Variants in PPARGC1A observed in about 807,000 individuals in gnomAD.
PPARGC1A encodes the protein PPARG coactivator 1 alpha.
PPARGC1A carries 25 observed loss-of-function variants against 88.7 expected under a neutral mutation model. The ratio of observed to expected loss-of-function variants is 0.28; its 90% CI spans 0.21 to 0.39. The LOEUF is 0.39. Ranked by LOEUF, PPARGC1A falls within the 10% of genes least tolerant of loss-of-function variation. The pLI, the probability that PPARGC1A is intolerant of heterozygous loss-of-function variation, is 1.00. For synonymous variants in PPARGC1A, 363 were observed against 355.6 expected, an observed-to-expected ratio of 1.02 and a Z score of -0.24; for missense variants, 880 against 968.7, an observed-to-expected ratio of 0.91 and a Z score of 1.22.
At chr4:24,269,166 A>G in the PPARGC1A span, among the ~76,000 whole-genome samples, 3 of 152,096 alleles carry the variant, frequency 2.0e-5, no homozygotes, top group Admixed American at 2.0e-4. Context: ...TGGGTTTTGC[A>G]TTTTTTGTTT....
chr4:24,378,481 T>TA, the PPARGC1A span, among the ~76,000 whole-genome samples: 38 of 149,428 alleles, frequency 2.5e-4, no homozygotes, highest in East Asian at 7.8e-4. Context: ...TAACCATGGT[T>TA]AAAAAAAAAA....
upstream of PPARGC1A, among the ~76,000 whole-genome samples, chr4:23,907,095 T>C (rs965832256): frequency 1.3e-5 from 2 of 152,048 alleles, no homozygotes; most frequent in Non-Finnish European, 2.9e-5. Context: ...AGACTGCCTC[T>C]CCTGATATCT....
chr4:24,080,297 G>T, the PPARGC1A span, among the ~76,000 whole-genome samples: 1 of 151,806 alleles, frequency 6.6e-6, no homozygotes, highest in African/African-American at 2.4e-5. Context: ...GATATTTTAT[G>T]TGTTGGTACT....
chr4:24,188,267 T>A, the PPARGC1A span, among the ~76,000 whole-genome samples: 1 of 152,096 alleles, frequency 6.6e-6, no homozygotes, highest in African/African-American at 2.4e-5. Context: ...ATGTCCTATA[T>A]TCTAAGGCTA....
At chr4:24,349,399 T>C in the PPARGC1A span, among the ~76,000 whole-genome samples, 7 of 151,868 alleles carry the variant, frequency 4.6e-5, no homozygotes, top group African/African-American at 1.7e-4. Context: ...GCTACCAGGG[T>C]GGATAGGGAA....
the PPARGC1A span, among the ~76,000 whole-genome samples, chr4:24,079,405 C>G: frequency 9.9e-5 from 15 of 151,986 alleles, no homozygotes; most frequent in Admixed American, 8.5e-4. Flanking sequence ...TTATTGGTAA[C>G]ATATATCTTC....
rs552456508 is a variant in PPARGC1A, at chr4:23,798,226, T to G, written c.2294-2301A>C. ...TGCTCACACAAAGCCTGTTTGGTGG[T>G]CTCTTCACATGGACACGCATGAAAA... On this transcript the variant is annotated intron_variant, in intron 12 of 12. Coordinates refer to ENST00000264867, the MANE Select transcript of PPARGC1A (RefSeq NM_013261.5). Among the ~76,000 whole-genome samples, 3 of 152,268 alleles carry G rather than the reference T, an allele frequency of 2.0e-5. No homozygotes were observed. The South Asian group carries it at 6.2e-4, about 32-fold the overall frequency.
At chr4:24,106,029 A>C in the PPARGC1A span, among the ~76,000 whole-genome samples, 2 of 152,306 alleles carry the variant, frequency 1.3e-5, no homozygotes, top group Middle Eastern at 3.4e-3. Context: ...TACGCAGTTG[A>C]AAAATAGCTA....
chr4:23,971,939 TA>T, the PPARGC1A span, among the ~76,000 whole-genome samples: 4 of 151,600 alleles, frequency 2.6e-5, no homozygotes, highest in African/African-American at 4.9e-5. Flanking sequence ...TATATACATA[TA>T]TTTTTTTTTC....
chr4:24,345,910 G>C, the PPARGC1A span, among the ~76,000 whole-genome samples: 1 of 152,174 alleles, frequency 6.6e-6, no homozygotes, highest in Admixed American at 6.5e-5. Flanking sequence ...TACGGTGGCT[G>C]TGGATCTGTC....
the PPARGC1A span, among the ~76,000 whole-genome samples, chr4:23,973,443 C>A: frequency 6.6e-6 from 1 of 152,116 alleles, no homozygotes; most frequent in African/African-American, 2.4e-5. Flanking sequence ...TCTTGCCTTG[C>A]AAAGTTTTTG....
At chr4:24,359,174 T>A in the PPARGC1A span, among the ~76,000 whole-genome samples, 1 of 152,204 alleles carries the variant, frequency 6.6e-6, no homozygotes. Context: ...TGGCTGCTGA[T>A]CTCTGCGAGT....
At chr4:24,027,227 C>CTGTGTG in the PPARGC1A span, among the ~76,000 whole-genome samples, 4 of 132,722 alleles carry the variant, frequency 3.0e-5, no homozygotes, top group South Asian at 2.5e-4. Flanking sequence ...GTCTGTGTGT[C>CTGTGTG]TGTGTGTGTC....
chr4:24,377,356 A>G, the PPARGC1A span, among the ~76,000 whole-genome samples: 4 of 152,134 alleles, frequency 2.6e-5, no homozygotes, highest in Admixed American at 1.3e-4. Flanking sequence ...AGTAGAAGCC[A>G]AAAGTAATAC....
At chr4:24,257,965 G>A in the PPARGC1A span, among the ~76,000 whole-genome samples, 1 of 152,084 alleles carries the variant, frequency 6.6e-6, no homozygotes, top group Admixed American at 6.6e-5. Context: ...AAATTATCTA[G>A]TAAGCATTGT....
At chr4:24,267,535 T>C in the PPARGC1A span, among the ~76,000 whole-genome samples, 2 of 152,226 alleles carry the variant, frequency 1.3e-5, no homozygotes, top group Non-Finnish European at 2.9e-5. Context: ...TCCGGTGTTG[T>C]GTTCTCATCT....
At chr4:24,105,203 T>C in the PPARGC1A span, among the ~76,000 whole-genome samples, 5 of 152,314 alleles carry the variant, frequency 3.3e-5, no homozygotes, top group Admixed American at 2.0e-4. Context: ...GCTTATAGAA[T>C]TGTGTAATTT....
At chr4:24,058,366 T>G in the PPARGC1A span, among the ~76,000 whole-genome samples, 1 of 152,202 alleles carries the variant, frequency 6.6e-6, no homozygotes, top group Non-Finnish European at 1.5e-5. Context: ...TGAACTCAAT[T>G]TTATTGAGAA....
chr4:24,421,288 G>A, the PPARGC1A span, among the ~76,000 whole-genome samples: 7 of 149,584 alleles, frequency 4.7e-5, no homozygotes, highest in Admixed American at 4.0e-4. Context: ...TGTTTATCTA[G>A]AATTCAAGTT....
Sources: allele counts gnomAD v4.1 joint callset (sites outside exome capture counted in the v4.1 genomes callset), GRCh38; gene constraint gnomAD v4.1.1; transcripts MANE v1.5; gene names NCBI Gene and HGNC (gene_info 2026-07-23, HGNC 2026-07-21).